FXN: variants seen among roughly 807,000 people sequenced by gnomAD.
FXN encodes frataxin, mitochondrial.
A neutral mutation model predicts 22.4 loss-of-function variants in FXN; 14 were observed. The observed-to-expected ratio is 0.62, with a 90% CI of 0.41 to 0.98. The LOEUF is 0.98. Among genes scored for constraint, FXN ranks in the 50% least tolerant of loss-of-function variants. FXN has a pLI of 0.00. For synonymous variants in FXN, 120 were observed against 114.1 expected, an observed-to-expected ratio of 1.05 and a Z score of -0.33; for missense variants, 267 against 268.4, an observed-to-expected ratio of 0.99 and a Z score of 0.04.
At chr9:69,044,601 CT>C (rs1236058779) in intron 1 of FXN, among the ~76,000 whole-genome samples, 2 of 152,202 alleles carry the variant, frequency 1.3e-5, no homozygotes, top group Non-Finnish European at 2.9e-5. Context: ...TCTTAAAGCC[CT>C]TCGGTGCCTT....
intron 3 of FXN, among the ~76,000 whole-genome samples, chr9:69,061,519 C>CT (rs978346189): frequency 4.0e-5 from 6 of 151,478 alleles, no homozygotes; most frequent in African/African-American, 1.2e-4. Context: ...TCTTTGAGCT[C>CT]TTTTTTTTTA....
rs550414471 is a variant in FXN, at chr9:69,053,462, C to A, written c.384+202C>A. ...CTCCAGCCTGGGTGACAGAGCGAGA[C>A]TCTGTCATAGATGGATGGATGGATG... On this transcript the variant is annotated intron_variant, in intron 3 of 4. Transcript: ENST00000484259. Among the ~76,000 whole-genome samples, 10 of 140,846 alleles carry A rather than the reference C, an allele frequency of 7.1e-5. 1 individual carries two copies. The East Asian group carries it at 2.2e-3, about 30-fold the overall frequency. The allele number at this position is 140,846 out of a possible 152,430, so 92.4% of individuals were successfully genotyped here.
chr9:69,036,660 G>C (rs1190542016), intron 1 of FXN, among the ~76,000 whole-genome samples: 1 of 152,200 alleles, frequency 6.6e-6, no homozygotes, highest in Non-Finnish European at 1.5e-5. Context: ...CCCATTTTGC[G>C]GACCTGGTGT....
chr9:69,074,432 G>A lies in FXN; in HGVS notation c.*1670G>A, dbSNP rs1320172007. ...ACCTGTAATCCCAGGTACTCAGGAG[G>A]CTGAGACGGGAGAATTGCTTGACCC... On this transcript the variant is annotated 3_prime_UTR_variant, in exon 5 of 5. Coordinates refer to ENST00000484259, the MANE Select transcript of FXN (RefSeq NM_000144.5). 3.1e-6 allele frequency: 3 copies of A among 979,902 alleles called. No homozygotes were observed. The highest frequency in any genetic ancestry group is 3.6e-6 in the Non-Finnish European group (3 of 825,218). 60.7% of individuals were successfully genotyped at this position (979,902 alleles called of 1,614,324 possible).
intron 1 of FXN, among the ~76,000 whole-genome samples, chr9:69,038,060 CT>C (rs1332941839): frequency 6.6e-6 from 1 of 152,252 alleles, no homozygotes; most frequent in Non-Finnish European, 1.5e-5. Context: ...CAACTTGGCG[CT>C]GCCGCCCAGG....
chr9:69,064,978 C>T lies in FXN; in HGVS notation c.425C>T (p.Thr142Ile). 2 of 1,613,598 alleles carry T rather than the reference C, an allele frequency of 1.2e-6. No individual in the cohort carries two copies. Among genetic ancestry groups the T allele is most frequent in the Non-Finnish European group, 1.7e-6 (2 of 1,179,826 alleles). Residue 142 changes from threonine (T) to isoleucine (I), a missense_variant, in exon 4 of 5, where the codon ACC becomes ATC. Transcript: ENST00000484259. Reference sequence around the variant, plus strand: ...GTCAAACTGGGTGGAGATCTAGGAACCTATGTGATCAACAAGCAGACGCCA... The same window carrying T: ...GTCAAACTGGGTGGAGATCTAGGAATCTATGTGATCAACAAGCAGACGCCA... ...LTVKLGGDLG[T>I]YVINKQTPNK...
intron 2 of FXN, among the ~76,000 whole-genome samples, chr9:69,047,936 TTGAACTCC>T (rs1346417331): frequency 1.3e-5 from 2 of 152,094 alleles, no homozygotes; most frequent in African/African-American, 4.8e-5. Flanking sequence ...CAGGCTGGTC[TTGAACTCC>T]TGACCTCAGA....
rs747297688 is a variant in FXN at position 69,075,707 on chromosome 9, A to G, written c.*2945A>G. The G allele has an allele frequency of 6.1e-6, 6 of 985,180 alleles. No individual in the cohort carries two copies. Among genetic ancestry groups the G allele is most frequent in the Non-Finnish European group, 7.2e-6 (6 of 829,848 alleles). 61.0% of individuals were successfully genotyped at this position (985,180 alleles called of 1,614,324 possible). The stretch of plus-strand genomic sequence containing the variant: ...TACTGGAGGAGGTGAGGAATTGCAT[A>G]ATACAATCTTAGAAAACTTTTTTTT... On this transcript the variant is annotated 3_prime_UTR_variant, in exon 5 of 5. Coordinates refer to ENST00000484259, the MANE Select transcript of FXN (RefSeq NM_000144.5).
At chr9:69,054,107 TCTC>T (rs1180336372) in intron 3 of FXN, among the ~76,000 whole-genome samples, 1 of 152,116 alleles carries the variant, frequency 6.6e-6, no homozygotes, top group Non-Finnish European at 1.5e-5. Flanking sequence ...TTCAAGCAGT[TCTC>T]CTGCCTCAGC....
rs147211454 is a variant in FXN at position 69,053,214 on chromosome 9, TTGCAGACAAGCCA to T, written c.340_352del (p.Ala114ThrfsTer15). 1.2e-6 allele frequency: 2 copies of T among 1,613,968 alleles called. No homozygotes were observed. Among genetic ancestry groups the T allele is most frequent in the Non-Finnish European group, 1.7e-6 (2 of 1,179,948 alleles). Reference sequence around the variant, plus strand: ...TCTTTAGCAGAGTTTTTTGAAGACCTTGCAGACAAGCCATACACGTTTGAGGACTATGATGTCT... The same window carrying T: ...TCTTTAGCAGAGTTTTTTGAAGACCTTACACGTTTGAGGACTATGATGTCT... On this transcript the variant is annotated frameshift_variant, in exon 3 of 5. Coordinates refer to ENST00000484259, the MANE Select transcript of FXN (RefSeq NM_000144.5). LOFTEE classifies it high-confidence loss of function.
intron 3 of FXN, among the ~76,000 whole-genome samples, chr9:69,064,522 A>G (rs3793465): frequency 0.62 from 93,835 of 151,968 alleles, 29,469 homozygotes; most frequent in African/African-American, 0.72. Flanking sequence ...CTGATGTTTG[A>G]GTTGACGTGG....
In FXN at chr9:69,052,036, C is replaced by T. The variant is rs146704514; in HGVS notation, c.264-1104C>T. On this transcript the variant is annotated intron_variant, in intron 2 of 4. Transcript: ENST00000484259. Reference sequence around the variant, plus strand: ...CTAATTTTTGTATTTTTAGTAGAGGCGAGGTTTCACCATGTCAGCCAGGCT... The same window carrying T: ...CTAATTTTTGTATTTTTAGTAGAGGTGAGGTTTCACCATGTCAGCCAGGCT... Among the ~76,000 whole-genome samples, 723 of 151,946 alleles carry T rather than the reference C, an allele frequency of 4.8e-3. 3 individuals are homozygous for T. The highest frequency in any genetic ancestry group is 0.017 in the African/African-American group (694 of 41,446).
At chr9:69,063,625 T>G (rs543155771) in intron 3 of FXN, among the ~76,000 whole-genome samples, 1 of 152,314 alleles carries the variant, frequency 6.6e-6, no homozygotes, top group South Asian at 2.1e-4. Flanking sequence ...TCCTATCAGT[T>G]ATATTATTAT....
chr9:69,066,858 CAA>C (rs71500343), intron 4 of FXN, among the ~76,000 whole-genome samples: 13 of 144,786 alleles, frequency 9.0e-5, no homozygotes, highest in Admixed American at 2.1e-4. Context: ...CTATCTTCCT[CAA>C]AAAAAAAAAA....
chr9:69,066,305 C>A (rs1436118598), intron 4 of FXN, among the ~76,000 whole-genome samples: 1 of 152,220 alleles, frequency 6.6e-6, no homozygotes, highest in East Asian at 1.9e-4. Context: ...TACCCCCTAA[C>A]ATTGACATCA....
At chr9:69,064,256 G>A (rs935956053) in intron 3 of FXN, among the ~76,000 whole-genome samples, 3 of 152,122 alleles carry the variant, frequency 2.0e-5, no homozygotes, top group African/African-American at 7.2e-5. Context: ...AAATTTAAAT[G>A]AGCATTTATT....
chr9:69,073,578 A>G lies in FXN; in HGVS notation c.*816A>G, dbSNP rs1435381153. Reference sequence around the variant, plus strand: ...AGGTGCCTTGTAAACATGAAGGGGCAGATAAAGGAAGGAGATACTCATGTT... The same window carrying G: ...AGGTGCCTTGTAAACATGAAGGGGCGGATAAAGGAAGGAGATACTCATGTT... On this transcript the variant is annotated 3_prime_UTR_variant, in exon 5 of 5. Transcript: ENST00000484259. The G allele has an allele frequency of 5.1e-6, 5 of 985,314 alleles. No individual in the cohort carries two copies. Among genetic ancestry groups the G allele is most frequent in the Non-Finnish European group, 6.0e-6 (5 of 829,948 alleles). 61.0% of individuals were successfully genotyped at this position (985,314 alleles called of 1,614,324 possible).
In FXN at chr9:69,078,053, AT is replaced by A. The variant is rs1280236767; in HGVS notation, c.*5296del. 1.0e-6 allele frequency: 1 copy of A among 985,294 alleles called. No individual in the cohort carries two copies. The highest frequency in any genetic ancestry group is 1.2e-6 in the Non-Finnish European group (1 of 829,928). 61.0% of individuals were successfully genotyped at this position (985,294 alleles called of 1,614,324 possible). ...ACCGCACTCTATGATGCTAGCTGAG[AT>A]TTTTCCAAAAGAAAATGGCTTAAAT... is the stretch of plus-strand genomic sequence containing the variant. On this transcript the variant is annotated 3_prime_UTR_variant, in exon 5 of 5. Coordinates refer to ENST00000484259, the MANE Select transcript of FXN (RefSeq NM_000144.5).
At chr9:69,045,225 C>T (rs1206321047) in intron 1 of FXN, among the ~76,000 whole-genome samples, 2 of 123,614 alleles carry the variant, frequency 1.6e-5, no homozygotes, top group Admixed American at 9.4e-5. Context: ...TTGGAAAACA[C>T]GGGCTTAGAG....
Sources: gnomAD v4.1 joint callset for allele counts (sites outside exome capture counted in the v4.1 genomes callset) on GRCh38, gnomAD v4.1.1 for gene constraint, MANE v1.5 for transcripts, NCBI Gene and HGNC (gene_info 2026-07-23, HGNC 2026-07-21) for gene names.